Variants in ACVR1 observed in about 807,000 individuals in gnomAD.
The protein encoded by ACVR1 is activin receptor type-1.
A neutral mutation model predicts 57.1 loss-of-function variants in ACVR1; 38 were observed. That is an observed-to-expected ratio of 0.67 (90% CI 0.51 to 0.87). ACVR1 has a LOEUF of 0.87. Among genes scored for constraint, ACVR1 ranks in the 40% least tolerant of loss-of-function variants. ACVR1 has a pLI of 0.00. For missense variants in ACVR1, 463 were observed against 638.2 expected, an observed-to-expected ratio of 0.73 and a Z score of 2.96; for synonymous variants, 212 against 228.1, an observed-to-expected ratio of 0.93 and a Z score of 0.63.
chr2:157,831,820 G>C (rs1046264414), intron 1 of ACVR1, among the ~76,000 whole-genome samples: 4 of 152,166 alleles, frequency 2.6e-5, no homozygotes, highest in African/African-American at 4.8e-5. Context: ...TAGTTTCTCT[G>C]TCAGGGTGGT....
intron 7 of ACVR1, among the ~76,000 whole-genome samples, chr2:157,766,984 G>A (rs1685885302): frequency 6.6e-6 from 1 of 152,168 alleles, no homozygotes; most frequent in African/African-American, 2.4e-5. Context: ...GAAGTAAAGT[G>A]AGTGACTGAC....
At chr2:157,742,049 A>C (rs543655136) in intron 9 of ACVR1, among the ~76,000 whole-genome samples, 6 of 152,202 alleles carry the variant, frequency 3.9e-5, no homozygotes, top group South Asian at 2.1e-4. Flanking sequence ...TGGGGCTGAA[A>C]TAGGTGCATG....
At chr2:157,741,624 CAAAAAGAAAAAAA>C (rs901330550) in intron 9 of ACVR1, among the ~76,000 whole-genome samples, 10 of 120,074 alleles carry the variant, frequency 8.3e-5, no homozygotes, top group South Asian at 2.6e-4. Flanking sequence ...ACTCTGTCTC[CAAAAAGAAAAAAA>C]AAAAAGAAAA....
At chr2:157,848,348 T>C (rs1689189603) in intron 1 of ACVR1, among the ~76,000 whole-genome samples, 1 of 152,180 alleles carries the variant, frequency 6.6e-6, no homozygotes. Flanking sequence ...CGCCATGCTA[T>C]GAGGAAGCTC....
intron 1 of ACVR1, among the ~76,000 whole-genome samples, chr2:157,820,547 T>C (rs1483968571): frequency 6.6e-6 from 1 of 152,008 alleles, no homozygotes; most frequent in African/African-American, 2.4e-5. Flanking sequence ...TTTCTGATTC[T>C]CTTTTTAAAA....
chr2:157,811,193 C>T (rs1286081771), intron 2 of ACVR1, among the ~76,000 whole-genome samples: 1 of 152,200 alleles, frequency 6.6e-6, no homozygotes, highest in Non-Finnish European at 1.5e-5. Flanking sequence ...AGTTTCCTTG[C>T]ATAGAAGCTT....
At chr2:157,811,490 C>G (rs542230657) in intron 2 of ACVR1, among the ~76,000 whole-genome samples, 1 of 152,200 alleles carries the variant, frequency 6.6e-6, no homozygotes, top group South Asian at 2.1e-4. Flanking sequence ...AAACAGAAAG[C>G]GTAATATGCC....
intron 3 of ACVR1, among the ~76,000 whole-genome samples, chr2:157,792,366 C>T (rs554151731): frequency 9.2e-5 from 14 of 152,262 alleles, no homozygotes; most frequent in African/African-American, 2.4e-4. Context: ...AGAATCAGGC[C>T]ACAGCTGCTC....
intron 3 of ACVR1, among the ~76,000 whole-genome samples, chr2:157,794,982 G>T (rs576925314): frequency 6.9e-6 from 1 of 144,608 alleles, no homozygotes; most frequent in East Asian, 2.0e-4. Flanking sequence ...AGGGGTAAAA[G>T]TTTTTTTTTT....
In ACVR1 at chr2:157,737,666, C is replaced by CT. The variant is rs770235094; in HGVS notation, c.1396-2dup. On this transcript the variant is annotated splice_acceptor_variant, in intron 10 of 10. Coordinates refer to ENST00000434821, the MANE Select transcript of ACVR1 (RefSeq NM_001111067.4). LOFTEE classifies it high-confidence loss of function. ...TTAGCTTGGCCAGAGAGGTTAATGT[C>CT]TGAGGAGAGAAAGAACAAACACCAC... The CT allele has an allele frequency of 8.7e-6, 14 of 1,613,934 alleles. No homozygotes were observed. The highest frequency in any genetic ancestry group is 1.2e-5 in the Non-Finnish European group (14 of 1,179,972).
rs1689810066 is a variant in ACVR1 at position 157,863,524 on chromosome 2, C to T, written c.-183+12272G>A. Among the ~76,000 whole-genome samples the T allele has an allele frequency of 2.0e-5, 3 of 150,344 alleles. No homozygotes were observed. In the South Asian group the frequency reaches 6.4e-4, roughly 32 times the overall value. ...CCAGCCTGGCCAACAGGGCAAAACC[C>T]CATCTCTACTAAAAATACAAAAATT... On this transcript the variant is annotated intron_variant, in intron 1 of 10. Transcript: ENST00000434821.
intron 1 of ACVR1, among the ~76,000 whole-genome samples, chr2:157,833,588 A>G (rs564825769): frequency 1.8e-4 from 27 of 152,294 alleles, no homozygotes; most frequent in Non-Finnish European, 2.5e-4. Context: ...AACGTTAGCA[A>G]TTGTCTCTGT....
chr2:157,780,835 CA>C lies in ACVR1; in HGVS notation c.68-236del, dbSNP rs147945266. The stretch of plus-strand genomic sequence containing the variant: ...ATATAAGCTGTGCACCCTTTTAGAT[CA>C]TATTAGGACAAAGACTGGCTATCAT... On this transcript the variant is annotated intron_variant, in intron 3 of 10. Coordinates refer to ENST00000434821, the MANE Select transcript of ACVR1 (RefSeq NM_001111067.4). Among the ~76,000 whole-genome samples, 8,508 of 152,184 alleles carry C rather than the reference CA, an allele frequency of 0.056. 289 individuals carry two copies. Among genetic ancestry groups the C allele is most frequent in the Non-Finnish European group, 0.089 (6,028 of 68,016 alleles).
At chr2:157,801,491 A>G (rs1687326051) in intron 2 of ACVR1, among the ~76,000 whole-genome samples, 1 of 152,210 alleles carries the variant, frequency 6.6e-6, no homozygotes, top group African/African-American at 2.4e-5. Context: ...GTTCTTCCTT[A>G]ACCACTTTAC....
chr2:157,869,510 AT>A (rs1190326854), intron 1 of ACVR1, among the ~76,000 whole-genome samples: 1 of 152,232 alleles, frequency 6.6e-6, no homozygotes, highest in Non-Finnish European at 1.5e-5. Context: ...TTGAATATTA[AT>A]TAAAAAGCAT....
intron 6 of ACVR1, among the ~76,000 whole-genome samples, 177 bp from the exon 7 acceptor site, chr2:157,770,691 T>A (rs941368027): frequency 7.9e-5 from 12 of 152,138 alleles, no homozygotes; most frequent in Admixed American, 7.2e-4. Flanking sequence ...TTTTGGCCTA[T>A]AAAGACATAC....
chr2:157,826,176 G>A (rs1173389289), intron 1 of ACVR1, among the ~76,000 whole-genome samples: 1 of 152,150 alleles, frequency 6.6e-6, no homozygotes, highest in Admixed American at 6.5e-5. Context: ...TTTTCTAATG[G>A]AGTGTCTGGC....
At chr2:157,755,544 A>G (rs141948324) in intron 9 of ACVR1, among the ~76,000 whole-genome samples, 2,551 of 149,616 alleles carry the variant, frequency 0.017, 66 homozygotes, top group African/African-American at 0.055. Flanking sequence ...ATACCATACC[A>G]TACCATACCA....
chr2:157,835,580 T>G (rs900521002), intron 1 of ACVR1, among the ~76,000 whole-genome samples: 4 of 152,230 alleles, frequency 2.6e-5, no homozygotes, highest in Admixed American at 6.5e-5. Flanking sequence ...TCCATTTTTT[T>G]CTCACTCTGA....
Sources: allele counts gnomAD v4.1 joint callset (sites outside exome capture counted in the v4.1 genomes callset), GRCh38; gene constraint gnomAD v4.1.1; transcripts MANE v1.5; gene names NCBI Gene and HGNC (gene_info 2026-07-23, HGNC 2026-07-21).